Variants in MCM9 observed in about 807,000 individuals in gnomAD.
The protein encoded by MCM9 is minichromosome maintenance 9 homologous recombination repair factor, also known as DNA helicase MCM9.
A neutral mutation model predicts 72.8 loss-of-function variants in MCM9; 55 were observed. The observed-to-expected ratio is 0.76, with a 90% CI of 0.61 to 0.95. MCM9 has a LOEUF of 0.95. Ranked by LOEUF, MCM9 falls within the 40% of genes least tolerant of loss-of-function variation. The pLI is 0.00. For missense variants in MCM9, 1,279 were observed against 1,377.0 expected, an observed-to-expected ratio of 0.93 and a Z score of 1.13; for synonymous variants, 480 against 503.4, an observed-to-expected ratio of 0.95 and a Z score of 0.62.
chr6:118,879,034 C>CTCAAA (rs540122515), intron 8 of MCM9, among the ~76,000 whole-genome samples: 1,581 of 152,032 alleles, frequency 0.01, 30 homozygotes, highest in African/African-American at 0.036. Context: ...CCAGCCTGGG[C>CTCAAA]AACAGAGGAA....
At chr6:118,845,746 T>C (rs962867354) in intron 9 of MCM9, among the ~76,000 whole-genome samples, 1 of 151,840 alleles carries the variant, frequency 6.6e-6, no homozygotes, top group African/African-American at 2.4e-5. Context: ...GTGGCAAAGG[T>C]TAACCCTAAA....
intron 8 of MCM9, among the ~76,000 whole-genome samples, chr6:118,874,535 G>C (rs1482208240): frequency 6.6e-6 from 1 of 152,176 alleles, no homozygotes; most frequent in African/African-American, 2.4e-5. Flanking sequence ...ACAAGGTAAA[G>C]ATGTCCTTTC....
In MCM9 at chr6:118,856,508, C is replaced by G. The variant is rs762984976; in HGVS notation, c.1188G>C (p.Trp396Cys). 10 of 1,535,650 alleles carry G rather than the reference C, an allele frequency of 6.5e-6. No homozygotes were observed. The South Asian group carries it at 1.1e-4, about 16-fold the overall frequency. The part of the protein sequence containing the change: ...TVTAVKDSGE[W>C]NLEAGALVLA... ...GAACTAATGCCCCAGCCTCCAAATT[C>G]CATTCTCCTGAGTCTTTTACAGCAG... The change falls in exon 9 of 14, where the codon TGG becomes TGC. Residue 396 changes from tryptophan (W) to cysteine (C), a missense_variant. Transcript: ENST00000619706.
At chr6:118,905,536 C>T in intron 8 of MCM9, 2 of 723,058 alleles carry the variant, frequency 2.8e-6, no homozygotes, top group Non-Finnish European at 4.3e-6. Context: ...GTATGATTTC[C>T]AAGTTTTTCT....
At chr6:118,909,853 A>G (rs1202892420) in intron 8 of MCM9, among the ~76,000 whole-genome samples, 2 of 152,184 alleles carry the variant, frequency 1.3e-5, no homozygotes, top group Non-Finnish European at 2.9e-5. Context: ...GCAGTGGCTC[A>G]CGCCTGTAAT....
chr6:118,884,637 C>G (rs1436691803), intron 8 of MCM9, among the ~76,000 whole-genome samples: 1 of 151,894 alleles, frequency 6.6e-6, no homozygotes, highest in Non-Finnish European at 1.5e-5. Context: ...ATATTGACAG[C>G]ATGGATACAA....
At chr6:118,917,484 T>A (rs960525481) in intron 6 of MCM9, 77 bp downstream of exon 6, 7 of 1,401,354 alleles carry the variant, frequency 5.0e-6, no homozygotes, top group Non-Finnish European at 6.0e-6. Context: ...TATAAGACTG[T>A]CAAATCACAG....
chr6:118,834,267 G>C (rs1281955525), intron 9 of MCM9, among the ~76,000 whole-genome samples: 1 of 152,144 alleles, frequency 6.6e-6, no homozygotes, highest in Non-Finnish European at 1.5e-5. Flanking sequence ...TCATTGATGG[G>C]CATTTGGGTT....
At chr6:118,825,181 A>T (rs1472297643) in intron 13 of MCM9, among the ~76,000 whole-genome samples, 1 of 152,164 alleles carries the variant, frequency 6.6e-6, no homozygotes, top group African/African-American at 2.4e-5. Context: ...AGCTACATCA[A>T]ATCATAAACA....
At chr6:118,916,026 A>G (rs1780913975) in intron 6 of MCM9, among the ~76,000 whole-genome samples, 1 of 152,090 alleles carries the variant, frequency 6.6e-6, no homozygotes, top group African/African-American at 2.4e-5. Flanking sequence ...GGTCCAAGGA[A>G]GAGTTACAAA....
At chr6:118,901,082 G>A in intron 8 of MCM9, 1 of 494,236 alleles carries the variant, frequency 2.0e-6, no homozygotes. Flanking sequence ...TATGCTGAGA[G>A]ATGTTAATGT....
At chr6:118,904,554 A>T (rs1780040439) in intron 8 of MCM9, among the ~76,000 whole-genome samples, 1 of 152,102 alleles carries the variant, frequency 6.6e-6, no homozygotes, top group African/African-American at 2.4e-5. Flanking sequence ...TCTCATTACT[A>T]CCTGCACCCT....
chr6:118,877,117 T>TGAGGACC (rs1777980964), intron 8 of MCM9, among the ~76,000 whole-genome samples: 1 of 152,142 alleles, frequency 6.6e-6, no homozygotes, highest in Non-Finnish European at 1.5e-5. Flanking sequence ...GGACAGAAAG[T>TGAGGACC]GAGGACCAAG....
chr6:118,830,665 A>G (rs141427142), intron 9 of MCM9, among the ~76,000 whole-genome samples: 11,100 of 152,324 alleles, frequency 0.073, 634 homozygotes, highest in East Asian at 0.25. Context: ...AAATGTCCAC[A>G]ACACTGGCAA....
Position 118,894,820 on chromosome 6 carries a change from G to A in MCM9, c.1150+16830C>T, listed in dbSNP as rs1197950119. On this transcript the variant is annotated intron_variant, in intron 8 of 13. Coordinates refer to ENST00000619706, the MANE Select transcript of MCM9 (RefSeq NM_017696.3). ...AGCTCGGAGACCCGCACTCGCTCCC[G>A]CTGCGCCGCCTGAGGTCGCGCCGGG... Among the ~76,000 whole-genome samples the A allele has an allele frequency of 5.9e-5, 9 of 152,196 alleles. No individual in the cohort carries two copies. The East Asian group carries it at 1.3e-3, about 23-fold the overall frequency.
chr6:118,835,150 G>C (rs1256245866), intron 9 of MCM9, among the ~76,000 whole-genome samples: 2 of 152,136 alleles, frequency 1.3e-5, no homozygotes, highest in Non-Finnish European at 2.9e-5. Flanking sequence ...TCAAAGATCA[G>C]ATGGTTGTAG....
At chr6:118,917,810 GCA>G in intron 5 of MCM9, 49 bp from the exon 6 acceptor site, 6 of 1,498,020 alleles carry the variant, frequency 4.0e-6, no homozygotes, top group Non-Finnish European at 5.6e-6. Context: ...TGCATGCTGA[GCA>G]CAGACTCAAA....
chr6:118,828,057 C>T lies in MCM9; in HGVS notation c.1602G>A (p.Leu534=), dbSNP rs1774284512. ...TGCCCACATCAGACAGTGTGGGCTGCAGATTCCTTATGAGGCAGAAATAGG... is the reference window on the plus strand; with the variant it reads ...TGCCCACATCAGACAGTGTGGGCTGTAGATTCCTTATGAGGCAGAAATAGG... The part of the protein sequence containing the change: ...MKTYFCLIRN[L]QPTLSDVGNQ... Residue 534 remains leucine, a synonymous_variant, in exon 11 of 14, where the codon CTG becomes CTA. Coordinates refer to ENST00000619706, the MANE Select transcript of MCM9 (RefSeq NM_017696.3). 1.3e-6 allele frequency: 2 copies of T among 1,550,746 alleles called. No individual in the cohort carries two copies. The highest frequency in any genetic ancestry group is 1.7e-6 in the Non-Finnish European group (2 of 1,147,026).
At position 118,917,715 on chromosome 6, in the gene MCM9, G is replaced by T; in HGVS notation, c.750C>A (p.Pro250=). Residue 250 remains proline, a synonymous_variant, in exon 6 of 14, where the codon CCC becomes CCA. Coordinates refer to ENST00000619706, the MANE Select transcript of MCM9 (RefSeq NM_017696.3). The part of the protein sequence containing the change: ...IYGIVMQRWK[P]FQQDVRCEVE... ...CTTCACAGCGCACATCTTGCTGAAA[G>T]GGCTTCCACCGTTGCATTACAATCC... 1 of 1,614,052 alleles carries T rather than the reference G, an allele frequency of 6.2e-7. No individual in the cohort carries two copies. The highest frequency in any genetic ancestry group is 8.5e-7 in the Non-Finnish European group (1 of 1,180,010).
Sources: allele counts gnomAD v4.1 joint callset (sites outside exome capture counted in the v4.1 genomes callset), GRCh38; gene constraint gnomAD v4.1.1; transcripts MANE v1.5; gene names NCBI Gene and HGNC (gene_info 2026-07-23, HGNC 2026-07-21).